The following TOP1MT variants were observed in gnomAD, a reference collection of about 807,000 sequenced individuals.
TOP1MT encodes DNA topoisomerase I mitochondrial.
Under a neutral mutation model 73.9 loss-of-function variants are expected in TOP1MT, and 80 were observed. The observed-to-expected ratio is 1.08, with a 90% CI of 0.90 to 1.30. TOP1MT has a LOEUF of 1.30. Among genes scored for constraint, TOP1MT ranks in the 50% most tolerant of loss-of-function variants. The pLI is 0.00. For synonymous variants in TOP1MT, 338 were observed against 326.4 expected (o/e 1.04, Z -0.38); for missense variants, 815 against 808.0 (o/e 1.01, Z -0.10).
At chr8:143,356,002 A>T (rs1817401187) in exon 1 of TOP1MT, 1 of 152,280 alleles carries the variant, frequency 6.6e-6, no homozygotes, top group Non-Finnish European at 1.5e-5. Flanking sequence ...TTTTCTTTTG[A>T]AACGGAGAAT....
chr8:143,327,632 C>A, intron 3 of TOP1MT: 1 of 269,422 alleles, frequency 3.7e-6, no homozygotes, highest in Non-Finnish European at 7.6e-6. Flanking sequence ...TGTTCTGCTG[C>A]TTTGTGACAC....
chr8:143,320,753 G>A (rs1299489491), intron 8 of TOP1MT, among the ~76,000 whole-genome samples: 1 of 152,198 alleles, frequency 6.6e-6, no homozygotes, highest in African/African-American at 2.4e-5. Context: ...CTCAGGCCAA[G>A]GACACGCAGG....
At chr8:143,327,044 C>T (rs1407025666) in intron 3 of TOP1MT, among the ~76,000 whole-genome samples, 1 of 152,190 alleles carries the variant, frequency 6.6e-6, no homozygotes, top group African/African-American at 2.4e-5. Context: ...CTAAATTAAT[C>T]CTAAGGGCTG....
In TOP1MT at chr8:143,323,999, C is replaced by T; in HGVS notation, c.960G>A (p.Lys320=). ...QRAVALYFID[K]LALRAGNEKE... The stretch of plus-strand genomic sequence containing the variant: ...GCCAGGAAGCGAGAAGGCCGCATAC[C>T]TTATCGATGAAATACAGGGCCACCG... The change falls in exon 7 of 14, where the codon AAG becomes AAA. Residue 320 remains lysine (K), a splice_region_variant and synonymous_variant. Transcript: ENST00000329245. 1.2e-6 allele frequency: 2 copies of T among 1,613,676 alleles called. No homozygotes were observed. The highest frequency in any genetic ancestry group is 1.7e-6 in the Non-Finnish European group (2 of 1,179,970).
At chr8:143,353,612 G>T (rs1467663514) in intron 1 of TOP1MT, among the ~76,000 whole-genome samples, 1 of 152,060 alleles carries the variant, frequency 6.6e-6, no homozygotes, top group Non-Finnish European at 1.5e-5. Context: ...CAGAAAATAA[G>T]TGTTGGCAAG....
intron 9 of TOP1MT, 79 bp from the exon 10 acceptor site, chr8:143,317,916 C>A: frequency 6.3e-7 from 1 of 1,595,348 alleles, no homozygotes; most frequent in South Asian, 1.1e-5. Flanking sequence ...AAGGACATGT[C>A]AGCCGTTGGG....
chr8:143,331,309 C>T lies in TOP1MT; in HGVS notation c.153G>A (p.Val51=), dbSNP rs776432349. 1.9e-6 allele frequency: 3 copies of T among 1,612,774 alleles called. No homozygotes were observed. The highest frequency in any genetic ancestry group is 2.5e-6 in the Non-Finnish European group (3 of 1,179,080). The part of the protein sequence containing the change: ...RWEKEKHEDG[V]KWRQLEHKGP... ...CCTTGTGCTCCAGCTGTCTCCACTT[C>T]ACCCCGTCTTCGTGCTTCTCCTTCT... The change falls in exon 2 of 14, where the codon GTG becomes GTA. Residue 51 remains valine (V), a synonymous_variant. Coordinates refer to ENST00000329245, the MANE Select transcript of TOP1MT (RefSeq NM_052963.3).
chr8:143,342,169 CTGT>C (rs1563771309), intron 2 of TOP1MT, among the ~76,000 whole-genome samples: 1 of 81,750 alleles, frequency 1.2e-5, no homozygotes, highest in Non-Finnish European at 2.1e-5. Flanking sequence ...GAGTCTCGCT[CTGT>C]TATTATTAGA....
upstream of TOP1MT, among the ~76,000 whole-genome samples, chr8:143,348,696 A>G (rs757097041): frequency 1.3e-5 from 2 of 152,184 alleles, no homozygotes; most frequent in Non-Finnish European, 2.9e-5. The surrounding 1 kb of genome is among the most constrained non-coding windows in gnomAD (Gnocchi z 4.6). Context: ...AGGGAGAGTC[A>G]GAGACTGGAT....
intron 1 of TOP1MT, among the ~76,000 whole-genome samples, chr8:143,352,013 T>C (rs1225466948): frequency 2.0e-5 from 3 of 151,930 alleles, no homozygotes; most frequent in Non-Finnish European, 4.4e-5. Context: ...ACCTGGGAGG[T>C]GGAGGTTGTG....
intron 12 of TOP1MT, 89 bp downstream of exon 12, chr8:143,315,638 A>T: frequency 1.1e-6 from 1 of 905,854 alleles, no homozygotes. Flanking sequence ...GGAGACAACA[A>T]GGGTCGTCTC....
At chr8:143,321,600 CCACACGCACGCACGCCACACGCACGCCA>C (rs1816373050) in intron 7 of TOP1MT, among the ~76,000 whole-genome samples, 1 of 119,544 alleles carries the variant, frequency 8.4e-6, no homozygotes, top group Non-Finnish European at 1.7e-5. Context: ...CGCACGCACG[CCACACGCACGCACGCCACACGCACGCCA>C]CACACAGGCA....
chr8:143,322,651 A>ACGC (rs1816501953), intron 7 of TOP1MT, among the ~76,000 whole-genome samples: 1 of 77,720 alleles, frequency 1.3e-5, no homozygotes. Flanking sequence ...CGCCACACGC[A>ACGC]CACCACACAC....
chr8:143,324,078 C>T lies in TOP1MT; in HGVS notation c.881G>A (p.Arg294His), dbSNP rs771755999. 4.3e-6 allele frequency: 7 copies of T among 1,613,778 alleles called. No individual in the cohort carries two copies. Among genetic ancestry groups the T allele is most frequent in the Admixed American group, 1.7e-5 (1 of 60,008 alleles). The change falls in exon 7 of 14, where the codon CGC becomes CAC. Residue 294 changes from arginine (R) to histidine (H), a missense_variant. By Grantham distance (29) the Arg-to-His change is conservative. Transcript: ENST00000329245. The part of the protein sequence containing the change: ...RRLRGFVDEI[R>H]SQYRADWKSR... ...CTTCCAGTCAGCCCGGTACTGGGAGCGGATCTCGTCCACAAATCCCCGCAG... is the reference window on the plus strand; with the variant it reads ...CTTCCAGTCAGCCCGGTACTGGGAGTGGATCTCGTCCACAAATCCCCGCAG...
In TOP1MT at chr8:143,318,092, G is replaced by A. The variant is rs1375714765; in HGVS notation, c.1147-6C>T. On this transcript the variant is annotated splice_polypyrimidine_tract_variant and splice_region_variant and intron_variant, in intron 8 of 13. Transcript: ENST00000329245. ...AGCTGTAAGTTCTTGTACACCTGAA[G>A]GAGAAAGAAGGAATTTCAGAGGACA... 2.5e-6 allele frequency: 4 copies of A among 1,613,766 alleles called. No individual in the cohort carries two copies. Among genetic ancestry groups the A allele is most frequent in the East Asian group, 2.2e-5 (1 of 44,870 alleles).
At position 143,321,203 on chromosome 8, in the gene TOP1MT, G is replaced by A; in HGVS notation, c.1144C>T (p.Pro382Ser). The A allele has an allele frequency of 6.3e-7, 1 of 1,591,248 alleles. No homozygotes were observed. The highest frequency in any genetic ancestry group is 8.6e-7 in the Non-Finnish European group (1 of 1,165,350). The change falls in exon 8 of 14, where the codon CCG becomes TCG. Residue 382 changes from proline (P) to serine (S), a missense_variant and splice_region_variant. This residue lies in a region of TOP1MT where 751 missense variants were observed against 725.4 expected (regional missense o/e 1.04). Transcript: ENST00000329245. ...RYYNRVPVEK[P>S]VYKNLQLFME... The stretch of plus-strand genomic sequence containing the variant: ...GCAGCTGGCGCGAGGGCACTCACCG[G>A]CTTCTCCACCGGCACTCTGTTGTAG...
At chr8:143,322,318 TA>T (rs1816457329) in intron 7 of TOP1MT, among the ~76,000 whole-genome samples, 1 of 27,600 alleles carries the variant, frequency 3.6e-5, no homozygotes, top group Non-Finnish European at 6.0e-5. Flanking sequence ...AGGCACGCCA[TA>T]CAGATGCATG....
At chr8:143,349,765 C>T (rs765868446), upstream of TOP1MT, among the ~76,000 whole-genome samples, 2 of 151,938 alleles carry the variant, frequency 1.3e-5, no homozygotes, top group African/African-American at 2.4e-5. Flanking sequence ...CTCAGCCTCC[C>T]GAGTAGCTGG....
In TOP1MT at chr8:143,341,819, T is replaced by C. The variant is rs185037303; in HGVS notation, c.29+1401A>G. 1.4e-3 allele frequency among the ~76,000 whole-genome samples: 215 copies of C among 149,432 alleles called. 1 individual carries two copies. Among genetic ancestry groups the C allele is most frequent in the African/African-American group, 5.2e-3 (205 of 39,448 alleles). The stretch of plus-strand genomic sequence containing the variant: ...ACCACTGCCCCATCTAGTGCTTCCT[T>C]CTTCCTTCTTCTTCCTCTTCTTCCT... On this transcript the variant is annotated intron_variant, in intron 2 of 5. Coordinates refer to the TOP1MT transcript ENST00000518007. The surrounding 1 kb of genome is among the most constrained non-coding windows in gnomAD (Gnocchi z 4.1).
Sources: gnomAD v4.1 joint callset for allele counts (sites outside exome capture counted in the v4.1 genomes callset) on GRCh38, gnomAD v4.1.1 for gene constraint, gnomAD v4.1.1 regional missense constraint, Gnocchi (gnomAD v3.1) non-coding constraint, MANE v1.5 for transcripts, NCBI Gene and HGNC (gene_info 2026-07-23, HGNC 2026-07-21) for gene names.